The following NAV1 variants were observed in gnomAD, a reference collection of about 807,000 sequenced individuals.
NAV1 encodes the protein pore membrane and/or filament interacting like protein 3.
Under a neutral mutation model 175.2 loss-of-function variants are expected in NAV1, and 18 were observed. That is an observed-to-expected ratio of 0.10 (90% CI 0.07 to 0.15). The LOEUF is 0.15. Among genes scored for constraint, NAV1 ranks in the 10% least tolerant of loss-of-function variants. NAV1 has a pLI of 1.00. For synonymous variants in NAV1, 897 were observed against 978.7 expected (o/e 0.92, Z 1.56); for missense variants, 1,731 against 2,436.6 (o/e 0.71, Z 6.10).
chr1:201,611,061 C>T (rs1478899494), intron 2 of NAV1, among the ~76,000 whole-genome samples: 1 of 152,144 alleles, frequency 6.6e-6, no homozygotes, highest in Non-Finnish European at 1.5e-5. Flanking sequence ...CTGAGCCCCA[C>T]CCCCTCTGCT....
At position 201,667,737 on chromosome 1, in the gene NAV1, CT is replaced by C. The variant is rs1669882817; in HGVS notation, c.757+18313del. Among the ~76,000 whole-genome samples the C allele has an allele frequency of 3.9e-5, 6 of 152,320 alleles. No individual in the cohort carries two copies. In the South Asian group the frequency reaches 1.2e-3, roughly 32 times the overall value. On this transcript the variant is annotated intron_variant, in intron 1 of 29. Transcript: ENST00000367296. Reference sequence around the variant, plus strand: ...CTCTCCCTCCCTGTGGCTTTTAAGCCTCATAAATATGCTTTTAAAAGTCACT... The same window carrying C: ...CTCTCCCTCCCTGTGGCTTTTAAGCCCATAAATATGCTTTTAAAAGTCACT...
intron 15 of NAV1, 100 bp from the exon 20 acceptor site, chr1:201,803,493 T>G: frequency 7.9e-7 from 1 of 1,263,450 alleles, no homozygotes; most frequent in Non-Finnish European, 1.1e-6. Flanking sequence ...GAGGAGTTGG[T>G]TGGTTCTCCT....
Position 201,560,685 on chromosome 1 carries a change from G to A in NAV1, c.-144+21343G>A, listed in dbSNP as rs74460071. ...CTTCAATGCCCAAGTCACTGTTCCCGTGGAAAGACACTGATGTTTGTACAG... is the reference window on the plus strand; with the variant it reads ...CTTCAATGCCCAAGTCACTGTTCCCATGGAAAGACACTGATGTTTGTACAG... On this transcript the variant is annotated intron_variant, in intron 1 of 33. Transcript: ENST00000685211. 3.2e-3 allele frequency among the ~76,000 whole-genome samples: 495 copies of A among 152,346 alleles called. 10 individuals carry two copies. In the East Asian group the frequency reaches 0.046, roughly 14 times the overall value.
intron 15 of NAV1, chr1:201,796,719 A>AT (rs1677477600): frequency 6.6e-6 from 1 of 151,834 alleles, no homozygotes; most frequent in Non-Finnish European, 1.5e-5. Flanking sequence ...TGTGGTTTTG[A>AT]TTTTCATATT....
upstream of NAV1, among the ~76,000 whole-genome samples, chr1:201,618,677 C>T (rs375036705): frequency 1.7e-4 from 26 of 152,194 alleles, no homozygotes; most frequent in African/African-American, 6.3e-4. Context: ...TCACACCACT[C>T]TGCCACTTTT....
chr1:201,727,717 A>G (rs1306855588), intron 3 of NAV1, among the ~76,000 whole-genome samples: 1 of 152,216 alleles, frequency 6.6e-6, no homozygotes, highest in Non-Finnish European at 1.5e-5. Flanking sequence ...ACTACAGGCT[A>G]TGTTCATGTG....
At chr1:201,741,634 G>A (rs1021433102) in intron 3 of NAV1, among the ~76,000 whole-genome samples, 8 of 152,172 alleles carry the variant, frequency 5.3e-5, no homozygotes, top group Non-Finnish European at 1.0e-4. Flanking sequence ...TATTTGCACT[G>A]CCTCTACTCT....
chr1:201,640,806 T>A (rs1668730639), intron 2 of NAV1, among the ~76,000 whole-genome samples: 2 of 152,244 alleles, frequency 1.3e-5, no homozygotes, highest in African/African-American at 4.8e-5. Context: ...CCTACACATC[T>A]GTTCCGAGTC....
Position 201,599,930 on chromosome 1 carries a change from A to T in NAV1, c.-33+11281A>T, listed in dbSNP as rs907593134. On this transcript the variant is annotated intron_variant, in intron 2 of 33. Coordinates refer to the NAV1 transcript ENST00000685211. ...CTCAGCTTCACTTTCTCTGCTATTT[A>T]TTATGAAGTGCTATGTGCTCAAAAA... 3.9e-5 allele frequency among the ~76,000 whole-genome samples: 6 copies of T among 152,336 alleles called. No homozygotes were observed. In the East Asian group the frequency reaches 1.2e-3, roughly 29 times the overall value.
Position 201,740,043 on chromosome 1 carries a change from C to G in NAV1, c.1226+21288C>G. The G allele has an allele frequency of 5.3e-6, 8 of 1,502,754 alleles. No homozygotes were observed. The highest frequency in any genetic ancestry group is 7.1e-6 in the Non-Finnish European group (8 of 1,123,856). The allele number at this position is 1,502,754 out of a possible 1,614,324, so 93.1% of individuals were successfully genotyped here. A position where few individuals can be genotyped will look rare whatever the true frequency, so the allele number is the denominator to read the frequency against. Reference sequence around the variant, plus strand: ...GGGAAGATGCTTCATCTGCCCCTGCCCAGATCCGGAAGAACGGTGAATTTC... The same window carrying G: ...GGGAAGATGCTTCATCTGCCCCTGCGCAGATCCGGAAGAACGGTGAATTTC... On this transcript the variant is annotated intron_variant, in intron 3 of 29. Transcript: ENST00000367296. The surrounding 1 kb of genome is among the most constrained non-coding windows in gnomAD (Gnocchi z 4.7).
intron 7 of NAV1, among the ~76,000 whole-genome samples, chr1:201,785,041 T>C (rs1281123328): frequency 3.3e-5 from 5 of 152,228 alleles, no homozygotes; most frequent in South Asian, 4.1e-4. Context: ...GTGCTGGGAT[T>C]ACAGGCGTGA....
At position 201,810,436 on chromosome 1, in the gene NAV1, C is replaced by CT; in HGVS notation, c.4562-86dup. On this transcript the variant is annotated intron_variant, in intron 23 of 29. Transcript: ENST00000367296. This position sits in a 1 kb window ranked among gnomAD's most constrained non-coding sequence, Gnocchi z 6.0. ...GGCTCTGAGTTTCTTCAGGGGGCTCCTAGATAAAGAAAGAAAAGCCCTTTA... is the reference window on the plus strand; with the variant it reads ...GGCTCTGAGTTTCTTCAGGGGGCTCCTTAGATAAAGAAAGAAAAGCCCTTTA... The CT allele has an allele frequency of 7.8e-7, 1 of 1,289,294 alleles. No individual in the cohort carries two copies. The highest frequency in any genetic ancestry group is 1.1e-6 in the Non-Finnish European group (1 of 933,066). 79.9% of individuals were successfully genotyped at this position (1,289,294 alleles called of 1,614,324 possible). A position where few individuals can be genotyped will look rare whatever the true frequency, so the allele number is the denominator to read the frequency against.
chr1:201,604,724 G>C (rs4915239), intron 2 of NAV1, among the ~76,000 whole-genome samples: 38 of 144,198 alleles, frequency 2.6e-4, no homozygotes, highest in Non-Finnish European at 4.7e-4. Context: ...AGGAAAGAAA[G>C]AGAAAGAAAG....
intron 3 of NAV1, among the ~76,000 whole-genome samples, chr1:201,774,506 C>G (rs1181531605): frequency 6.6e-6 from 1 of 152,200 alleles, no homozygotes; most frequent in Non-Finnish European, 1.5e-5. Context: ...AAAAAATCAT[C>G]TAGCCCAGGT....
rs963648246 is a variant in NAV1, at chr1:201,581,033, C to T, written c.-143-7506C>T. ...CTCACTGCAGGTTGTTCGTGGGGGC[C>T]GGTGCATGGCATAGGGAAAGGAAGA... On this transcript the variant is annotated intron_variant, in intron 1 of 33. Transcript: ENST00000685211. Among the ~76,000 whole-genome samples the T allele has an allele frequency of 3.3e-5, 5 of 152,140 alleles. No individual in the cohort carries two copies. The South Asian group carries it at 6.2e-4, about 19-fold the overall frequency.
intron 1 of NAV1, among the ~76,000 whole-genome samples, chr1:201,559,188 C>T (rs1269569098): frequency 1.3e-5 from 2 of 152,120 alleles, no homozygotes; most frequent in Non-Finnish European, 2.9e-5. Flanking sequence ...TTCTGGAGCC[C>T]GTTTCCCCTC....
At chr1:201,621,695 T>G (rs1397213794), upstream of NAV1, among the ~76,000 whole-genome samples, 1 of 152,236 alleles carries the variant, frequency 6.6e-6, no homozygotes, top group Non-Finnish European at 1.5e-5. Flanking sequence ...TTTGCCCATA[T>G]AAAGATTTTA....
At position 201,740,094 on chromosome 1, in the gene NAV1, C is replaced by A; in HGVS notation, c.1226+21339C>A. ...CCCCGCAGGTAAGCGCCCCCACCCCCCTGGCCTCACCGCCAGACCGCAGAG... is the reference window on the plus strand; with the variant it reads ...CCCCGCAGGTAAGCGCCCCCACCCCACTGGCCTCACCGCCAGACCGCAGAG... On this transcript the variant is annotated intron_variant, in intron 3 of 29. Coordinates refer to ENST00000367296, the Ensembl canonical transcript of NAV1. The surrounding 1 kb of genome is among the most constrained non-coding windows in gnomAD (Gnocchi z 4.7). 1 of 1,439,742 alleles carries A rather than the reference C, an allele frequency of 6.9e-7. No individual in the cohort carries two copies. Among genetic ancestry groups the A allele is most frequent in the Non-Finnish European group, 9.1e-7 (1 of 1,095,674 alleles). The allele number at this position is 1,439,742 out of a possible 1,614,324, so 89.2% of individuals were successfully genotyped here. A position where few individuals can be genotyped will look rare whatever the true frequency, so the allele number is the denominator to read the frequency against.
intron 15 of NAV1, among the ~76,000 whole-genome samples, chr1:201,801,449 C>T (rs1677861385): frequency 6.6e-6 from 1 of 152,156 alleles, no homozygotes; most frequent in Non-Finnish European, 1.5e-5. Context: ...CCCTCCATTT[C>T]ATCTTTCTCA....
Sources: allele counts gnomAD v4.1 joint callset (sites outside exome capture counted in the v4.1 genomes callset), GRCh38; gene constraint gnomAD v4.1.1; non-coding constraint Gnocchi (gnomAD v3.1); transcripts MANE v1.5; gene names NCBI Gene and HGNC (gene_info 2026-07-23, HGNC 2026-07-21).